DUOX2: variants seen among roughly 807,000 people sequenced by gnomAD.
DUOX2 encodes dual oxidase 2.
DUOX2 carries 185 observed loss-of-function variants against 183.3 expected under a neutral mutation model. The observed-to-expected ratio is 1.01, with a 90% confidence interval of 0.90 to 1.14. The LOEUF (loss-of-function observed/expected upper bound fraction) is 1.14. DUOX2 is among the 50% of genes most tolerant of loss of function. The probability of loss-of-function intolerance (pLI) is 0.00; values close to 1 mark genes in which losing one functional copy is unlikely to be tolerated. For synonymous variants in DUOX2, 788 were observed against 812.4 expected (o/e 0.97, Z 0.51); for missense variants, 1,999 against 2,022.9 (o/e 0.99, Z 0.23).
Position 45,113,072 on chromosome 15 carries a change from A to C in DUOX2, c.75T>G (p.Ser25Arg). The C allele has an allele frequency of 6.2e-7, 1 of 1,613,820 alleles. No individual in the cohort carries two copies. Among genetic ancestry groups the C allele is most frequent in the Non-Finnish European group, 8.5e-7 (1 of 1,179,922 alleles). Residue 25 changes from serine (S) to arginine (R), a missense_variant, in exon 3 of 34, where the codon AGT (serine) becomes AGG (arginine). Ser to Arg is a moderately radical substitution (Grantham distance 110). Coordinates refer to ENST00000389039, the MANE Select transcript of DUOX2 (RefSeq NM_001363711.2). ...LLTGSLGPSG[S>R]QDALSLPWEV... ...CCCAGGGCAGTGAGAGTGCGTCCTG[A>C]CTGCCTGTGGGCACAGAGAAGGGCC...
chr15:45,101,171 C>G, intron 22 of DUOX2, 34 bp downstream of exon 22: 3 of 1,605,310 alleles, frequency 1.9e-6, no homozygotes, highest in Non-Finnish European at 2.6e-6. Context: ...GGGGCTCAGC[C>G]AGGCCAACCT....
At position 45,112,639 on chromosome 15, in the gene DUOX2, G is replaced by T; in HGVS notation, c.240C>A (p.Asn80Lys). 1.2e-6 allele frequency: 2 copies of T among 1,612,928 alleles called. No individual in the cohort carries two copies. The highest frequency in any genetic ancestry group is 1.7e-6 in the Non-Finnish European group (2 of 1,179,884). The part of the protein sequence containing the change: ...YQALEEPQLP[N>K]PRRLSNAATR... ...TGGCTGCGTTGCTGAGCCGGCGCGG[G>T]TTGGGCAGCTGCGGCTCCTCCAGAG... The change falls in exon 4 of 34, where the codon AAC becomes AAA. Residue 80 changes from asparagine (N) to lysine (K), a missense_variant. Asn to Lys is a moderately conservative substitution (Grantham distance 94). Around this residue, in one of 3 missense-constraint regions of DUOX2, gnomAD observed 356 missense variants for 356.4 expected, o/e 1.00. Coordinates refer to ENST00000389039, the MANE Select transcript of DUOX2 (RefSeq NM_001363711.2).
At chr15:45,113,647 C>T (rs1894517330) in intron 1 of DUOX2, among the ~76,000 whole-genome samples, 1 of 152,144 alleles carries the variant, frequency 6.6e-6, no homozygotes, top group Non-Finnish European at 1.5e-5. Flanking sequence ...GTTCCCCATC[C>T]GCCACCCCAT....
intron 4 of DUOX2, among the ~76,000 whole-genome samples, 195 bp downstream of exon 4, chr15:45,112,359 T>C (rs1894451117): frequency 6.6e-6 from 1 of 152,140 alleles, no homozygotes. Context: ...AGAGAAAGGT[T>C]AGATACAGAG....
At chr15:45,096,542 C>T (rs1048763784) in intron 29 of DUOX2, among the ~76,000 whole-genome samples, 2 of 152,102 alleles carry the variant, frequency 1.3e-5, no homozygotes, top group African/African-American at 4.8e-5. Flanking sequence ...ATCATGTGTC[C>T]TACATAGAAG....
intron 12 of DUOX2, 157 bp downstream of exon 12, chr15:45,108,632 G>A: frequency 1.2e-6 from 1 of 854,516 alleles, no homozygotes; most frequent in South Asian, 1.6e-5. Context: ...CCTCCTCTAT[G>A]ATTTACCAAC....
At chr15:45,108,422 TCAGGTGCCCTAGGAC>T in intron 12 of DUOX2, 200 bp from the exon 13 acceptor site, 1 of 640,322 alleles carries the variant, frequency 1.6e-6, no homozygotes, top group Non-Finnish European at 2.7e-6. Flanking sequence ...AACACCACGG[TCAGGTGCCCTAGGAC>T]CATATCCTGT....
chr15:45,107,313 G>A, intron 14 of DUOX2, 32 bp downstream of exon 14: 1 of 1,611,034 alleles, frequency 6.2e-7, no homozygotes, highest in Non-Finnish European at 8.5e-7. Flanking sequence ...TCTGGCCACT[G>A]TCACTCACTT....
rs761783405 is a variant in DUOX2, at chr15:45,111,966, G to A, written c.326-11C>T. ...AAAGAACATGGTAGCCTGCGGGCATGGGGCGCCAATACGTGACAAACCGTC... is the reference window on the plus strand; with the variant it reads ...AAAGAACATGGTAGCCTGCGGGCATAGGGCGCCAATACGTGACAAACCGTC... On this transcript the variant is annotated splice_polypyrimidine_tract_variant and intron_variant, in intron 4 of 33. Coordinates refer to ENST00000389039, the MANE Select transcript of DUOX2 (RefSeq NM_001363711.2). The A allele has an allele frequency of 4.3e-6, 7 of 1,612,830 alleles. No homozygotes were observed. The highest frequency in any genetic ancestry group is 5.9e-6 in the Non-Finnish European group (7 of 1,179,786).
chr15:45,109,323 A>C (rs1279199459), intron 11 of DUOX2: 2 of 617,360 alleles, frequency 3.2e-6, no homozygotes, highest in African/African-American at 3.7e-5. Flanking sequence ...GTTAATTTAA[A>C]ATAAAAGCAA....
chr15:45,097,463 A>G, intron 28 of DUOX2, 72 bp from the exon 29 acceptor site: 1 of 1,613,056 alleles, frequency 6.2e-7, no homozygotes, highest in Non-Finnish European at 8.5e-7. Context: ...TTGCCCAGGC[A>G]CTAGGCCTGT....
In DUOX2 at chr15:45,101,163, G is replaced by A. The variant is rs111706445; in HGVS notation, c.2921+42C>T. On this transcript the variant is annotated intron_variant, in intron 22 of 33. Transcript: ENST00000389039. ...CTACTCCCTTCATTTCTCTGCAGGG[G>A]GCTCAGCCAGGCCAACCTGCCAGAG... is the stretch of plus-strand genomic sequence containing the variant. The A allele has an allele frequency of 2.6e-4, 406 of 1,572,738 alleles. No homozygotes were observed. The African/African-American group carries it at 4.5e-3, about 17-fold the overall frequency.
intron 22 of DUOX2, 22 bp from the exon 23 acceptor site, chr15:45,100,860 G>A: frequency 1.3e-6 from 2 of 1,542,634 alleles, no homozygotes; most frequent in South Asian, 1.1e-5. Flanking sequence ...AAATGGGGCT[G>A]TTCTCCCCTT....
In DUOX2 at chr15:45,092,960, T is replaced by C. The variant is rs1422101437; in HGVS notation, c.*1190A>G. 1.3e-5 allele frequency: 2 copies of C among 151,848 alleles called. No homozygotes were observed. The highest frequency in any genetic ancestry group is 4.8e-5 in the African/African-American group (2 of 41,302). 9.4% of individuals were successfully genotyped at this position (151,848 alleles called of 1,614,324 possible). ...GAAGTGGAAGGGGGTACAAGGGGAGTTTCTGGGGTGATGGAAATGTTGAAA... is the reference window on the plus strand; with the variant it reads ...GAAGTGGAAGGGGGTACAAGGGGAGCTTCTGGGGTGATGGAAATGTTGAAA... On this transcript the variant is annotated 3_prime_UTR_variant, in exon 34 of 34. Coordinates refer to ENST00000389039, the MANE Select transcript of DUOX2 (RefSeq NM_001363711.2).
rs1197003171 is a variant in DUOX2, at chr15:45,100,292, T to C, written c.3006-64A>G. On this transcript the variant is annotated intron_variant, in intron 23 of 33. Coordinates refer to ENST00000389039, the MANE Select transcript of DUOX2 (RefSeq NM_001363711.2). ...CCCTCTGGCCTTCCCTTAATGCCAC[T>C]CCATGAAAGGTGACCTGGGGATCTG... 4.0e-6 allele frequency: 6 copies of C among 1,508,914 alleles called. No individual in the cohort carries two copies. In the African/African-American group the frequency reaches 6.9e-5, roughly 17 times the overall value. 93.5% of individuals were successfully genotyped at this position (1,508,914 alleles called of 1,614,324 possible).
intron 29 of DUOX2, 98 bp downstream of exon 29, chr15:45,097,140 G>A (rs1171415694): frequency 6.4e-7 from 1 of 1,563,426 alleles, no homozygotes; most frequent in Non-Finnish European, 8.8e-7. Context: ...GACAGAGTCA[G>A]AGGCAGTGAT....
chr15:45,105,399 A>G (rs1894184545), intron 18 of DUOX2, among the ~76,000 whole-genome samples: 2 of 152,200 alleles, frequency 1.3e-5, no homozygotes, highest in African/African-American at 4.8e-5. Context: ...CAACAATGCA[A>G]TGGGATGGAT....
intron 7 of DUOX2, among the ~76,000 whole-genome samples, 160 bp downstream of exon 7, chr15:45,110,951 G>A (rs894423810): frequency 6.7e-6 from 1 of 150,094 alleles, no homozygotes; most frequent in African/African-American, 2.5e-5. Flanking sequence ...TAAACAGCGC[G>A]TGCCTCCCTA....
Position 45,100,033 on chromosome 15 carries a change from C to T in DUOX2, c.3184+17G>A, listed in dbSNP as rs775284474. ...GAGCCTGCTCCCTACCCACTGCCCA[C>T]AGCCTGGAACTCTTACAGTAAGCAC... On this transcript the variant is annotated intron_variant, in intron 24 of 33. Coordinates refer to ENST00000389039, the MANE Select transcript of DUOX2 (RefSeq NM_001363711.2). 2 of 1,614,262 alleles carry T rather than the reference C, an allele frequency of 1.2e-6. No homozygotes were observed. Among genetic ancestry groups the T allele is most frequent in the Non-Finnish European group, 1.7e-6 (2 of 1,180,050 alleles).
Sources: gnomAD v4.1 joint callset for allele counts (sites outside exome capture counted in the v4.1 genomes callset) on GRCh38, gnomAD v4.1.1 for gene constraint, gnomAD v4.1.1 regional missense constraint, MANE v1.5 for transcripts, NCBI Gene and HGNC (gene_info 2026-07-23, HGNC 2026-07-21) for gene names.